Variants in ODAD3 observed in about 807,000 individuals in gnomAD.
The protein encoded by ODAD3 is outer dynein arm docking complex subunit 3.
In ODAD3, 57 loss-of-function variants were observed where a neutral mutation model predicts 70.9. The ratio of observed to expected loss-of-function variants is 0.80; its 90% CI spans 0.65 to 1.00. The LOEUF is 1.00. Ranked by LOEUF, ODAD3 falls within the 50% of genes least tolerant of loss-of-function variation. The pLI, the probability that ODAD3 is intolerant of heterozygous loss-of-function variation, is 0.00. For synonymous variants in ODAD3, 327 were observed against 315.9 expected, an observed-to-expected ratio of 1.04 and a Z score of -0.37; for missense variants, 797 against 763.9, an observed-to-expected ratio of 1.04 and a Z score of -0.51.
chr19:11,422,888 G>A lies in ODAD3; in HGVS notation c.1117-27C>T, dbSNP rs1402131142. On this transcript the variant is annotated intron_variant, in intron 8 of 12. Transcript: ENST00000356392. The surrounding 1 kb of genome is among the most constrained non-coding windows in gnomAD (Gnocchi z 4.6). ...TGCGGGCCACCCAGCCCCAGTCAGA[G>A]CCAGGGCCTAGGGAGCGTAGGGGCG... 1.9e-6 allele frequency: 3 copies of A among 1,597,120 alleles called. No homozygotes were observed. The highest frequency in any genetic ancestry group is 2.2e-5 in the South Asian group (2 of 90,786).
Position 11,422,099 on chromosome 19 carries a change from C to G in ODAD3, c.1435-267G>C, listed in dbSNP as rs1335089758. ...AGGGAGGCCATTGTGGGATGGCCTC[C>G]TGAAGAAATGGCCCTCTGCTGCGGG... On this transcript the variant is annotated intron_variant, in intron 10 of 12. Coordinates refer to ENST00000356392, the MANE Select transcript of ODAD3 (RefSeq NM_145045.5). This position sits in a 1 kb window ranked among gnomAD's most constrained non-coding sequence, Gnocchi z 4.6. Among the ~76,000 whole-genome samples, 1 of 152,174 alleles carries G rather than the reference C, an allele frequency of 6.6e-6. No homozygotes were observed. The highest frequency in any genetic ancestry group is 1.5e-5 in the Non-Finnish European group (1 of 68,022).
In ODAD3 at chr19:11,425,072, TATATGTGTATATGTAC is replaced by T. The variant is rs1207964542; in HGVS notation, c.963+1056_964-1044del. ...ATATATGTGTATATGTGTATATATG[TATATGTGTATATGTAC>T]ATATGTGTATATATGTATATATGTG... On this transcript the variant is annotated intron_variant, in intron 7 of 12. Transcript: ENST00000356392. Among the ~76,000 whole-genome samples, 7 of 108,416 alleles carry T rather than the reference TATATGTGTATATGTAC, an allele frequency of 6.5e-5. 1 individual carries two copies. Among genetic ancestry groups the T allele is most frequent in the South Asian group, 2.7e-4 (1 of 3,698 alleles). 71.1% of individuals were successfully genotyped at this position (108,416 alleles called of 152,430 possible).
rs759411498 is a variant in ODAD3, at chr19:11,434,945, A to G, written c.72T>C (p.Ser24=). ...AAGCCTCCCTGCCCTTGACCCTGGA[A>G]GAGGGCGTCGAAGCCTGGTCCTGAG... The part of the protein sequence containing the change: ...LPPQDQASTP[S]SRVKGREASG... Residue 24 remains serine (S), a synonymous_variant, in exon 1 of 13, where the codon TCT becomes TCC. Transcript: ENST00000356392. 8.7e-6 allele frequency: 14 copies of G among 1,613,932 alleles called. No individual in the cohort carries two copies. The highest frequency in any genetic ancestry group is 1.2e-5 in the Non-Finnish European group (14 of 1,180,024).
rs1167411713 is a variant in ODAD3, at chr19:11,425,215, G to GTA, written c.963+927_963+928dup. 1.4e-4 allele frequency among the ~76,000 whole-genome samples: 18 copies of GTA among 125,836 alleles called. 1 individual carries two copies. The South Asian group carries it at 4.1e-3, about 29-fold the overall frequency. The allele number at this position is 125,836 out of a possible 152,430, so 82.6% of individuals were successfully genotyped here. A position where few individuals can be genotyped will look rare whatever the true frequency, so the allele number is the denominator to read the frequency against. On this transcript the variant is annotated intron_variant, in intron 7 of 12. Coordinates refer to ENST00000356392, the MANE Select transcript of ODAD3 (RefSeq NM_145045.5). ...TACATATGTGTATGTGTACATATGT[G>GTA]TATATATGTGTGTATATGTACATAT...
At chr19:11,434,236 A>G (rs1348997806) in intron 1 of ODAD3, among the ~76,000 whole-genome samples, 1 of 151,480 alleles carries the variant, frequency 6.6e-6, no homozygotes, top group Non-Finnish European at 1.5e-5. Context: ...CAAAACAAAA[A>G]AAAACGCGGG....
At chr19:11,424,217 C>A (rs1428737685) in intron 7 of ODAD3, among the ~76,000 whole-genome samples, 188 bp from the exon 8 acceptor site, 1 of 152,006 alleles carries the variant, frequency 6.6e-6, no homozygotes, top group Non-Finnish European at 1.5e-5. Flanking sequence ...CAAGGTCGGG[C>A]GCGGGGGCGG....
rs1969302758 is a variant in ODAD3, at chr19:11,425,309, GTA to G, written c.963+833_963+834del. 2.3e-5 allele frequency among the ~76,000 whole-genome samples: 3 copies of G among 128,574 alleles called. 1 individual carries two copies. The highest frequency in any genetic ancestry group is 1.1e-4 in the African/African-American group (3 of 28,174). The allele number at this position is 128,574 out of a possible 152,430, so 84.3% of individuals were successfully genotyped here. On this transcript the variant is annotated intron_variant, in intron 7 of 12. Coordinates refer to ENST00000356392, the MANE Select transcript of ODAD3 (RefSeq NM_145045.5). Reference sequence around the variant, plus strand: ...TACATATGTGTATATATGTGTATGTGTACATATGTGTATATGTACATATGTGT... The same window carrying G: ...TACATATGTGTATATATGTGTATGTGCATATGTGTATATGTACATATGTGT...
chr19:11,425,151 GTA>G (rs1225675839), intron 7 of ODAD3, among the ~76,000 whole-genome samples: 8 of 125,974 alleles, frequency 6.4e-5, no homozygotes, highest in South Asian at 2.4e-4. Context: ...ATGTACATAT[GTA>G]TATATACATA....
rs1429012131 is a variant in ODAD3 at position 11,430,989 on chromosome 19, A to G, written c.276T>C (p.Ser92=). ...EGDRKAFFES[S]QWNIKKNQET... Reference sequence around the variant, plus strand: ...CCTGGTTCTTCTTGATGTTCCACTGAGAGCTCTCAAAAAAAGCCTTCCGGT... The same window carrying G: ...CCTGGTTCTTCTTGATGTTCCACTGGGAGCTCTCAAAAAAAGCCTTCCGGT... The change falls in exon 2 of 13, where the codon TCT becomes TCC. Residue 92 remains serine, a synonymous_variant. Coordinates refer to ENST00000356392, the MANE Select transcript of ODAD3 (RefSeq NM_145045.5). The G allele has an allele frequency of 1.9e-6, 3 of 1,613,932 alleles. No homozygotes were observed. In the African/African-American group the frequency reaches 4.0e-5, roughly 22 times the overall value.
At chr19:11,430,293 A>G (rs1327269360) in intron 3 of ODAD3, among the ~76,000 whole-genome samples, 1 of 151,992 alleles carries the variant, frequency 6.6e-6, no homozygotes, top group Non-Finnish European at 1.5e-5. Context: ...ACGTGCCATC[A>G]TGCCCAGCTA....
At chr19:11,424,990 CATATGTGT>C (rs1426237518) in intron 7 of ODAD3, among the ~76,000 whole-genome samples, 2 of 98,080 alleles carry the variant, frequency 2.0e-5, no homozygotes, top group African/African-American at 5.0e-5. Context: ...TGTATATGTA[CATATGTGT>C]ATATGTATAT....
chr19:11,428,188 G>T (rs946195287), intron 3 of ODAD3, among the ~76,000 whole-genome samples: 1 of 151,956 alleles, frequency 6.6e-6, no homozygotes. Context: ...CTCCTTCCTC[G>T]GCCTCCCAAA....
intron 7 of ODAD3, among the ~76,000 whole-genome samples, chr19:11,425,227 GTA>G (rs1205937096): frequency 5.9e-5 from 8 of 135,122 alleles, no homozygotes; most frequent in African/African-American, 1.9e-4. Flanking sequence ...ATATATGTGT[GTA>G]TATGTACATA....
intron 1 of ODAD3, 57 bp downstream of exon 1, chr19:11,434,716 A>G (rs1969614656): frequency 6.5e-7 from 1 of 1,542,492 alleles, no homozygotes; most frequent in African/African-American, 1.4e-5. Flanking sequence ...TCACACCATG[A>G]AGATTGGATG....
chr19:11,424,088 G>A (rs1969206289), intron 7 of ODAD3, 59 bp from the exon 8 acceptor site: 1 of 1,566,962 alleles, frequency 6.4e-7, no homozygotes, highest in Non-Finnish European at 8.7e-7. Flanking sequence ...TGGGAAGGAG[G>A]CCGGGGAGGG....
chr19:11,421,640 T>TA, intron 11 of ODAD3, 37 bp downstream of exon 11: 1 of 1,594,296 alleles, frequency 6.3e-7, no homozygotes, highest in Middle Eastern at 1.7e-4. Flanking sequence ...GCCCTACTCC[T>TA]AGATCTCTGG....
intron 3 of ODAD3, among the ~76,000 whole-genome samples, chr19:11,428,258 T>C (rs1969428713): frequency 6.6e-6 from 1 of 152,064 alleles, no homozygotes; most frequent in South Asian, 2.1e-4. Context: ...GTTTTGTTTT[T>C]TGAGATGGGG....
rs1429969024 is a variant in ODAD3 at position 11,427,029 on chromosome 19, G to C, written c.456C>G (p.His152Gln). 1.3e-6 allele frequency: 2 copies of C among 1,588,548 alleles called. No individual in the cohort carries two copies. Among genetic ancestry groups the C allele is most frequent in the Admixed American group, 3.4e-5 (2 of 58,128 alleles). Reference sequence around the variant, plus strand: ...CCTTCTCCCTCAGCCGGTGGTCTAGGTGCTCCAGGGCCTGCCGCAAGGAGG... The same window carrying C: ...CCTTCTCCCTCAGCCGGTGGTCTAGCTGCTCCAGGGCCTGCCGCAAGGAGG... Reference protein sequence around the residue: ...LKNRTGQALEHLDHRLREKVK... With the variant: ...LKNRTGQALEQLDHRLREKVK... Residue 152 changes from histidine (H) to glutamine (Q), a missense_variant, in exon 4 of 13, where the codon CAC becomes CAG. Physicochemically the swap from His to Gln is conservative, Grantham distance 24. Transcript: ENST00000356392.
chr19:11,434,888 G>A lies in ODAD3; in HGVS notation c.129C>T (p.Gly43=). The change falls in exon 1 of 13, where the codon GGC becomes GGT. Residue 43 remains glycine, a synonymous_variant. Transcript: ENST00000356392. ...GGCCTGGGGTCCACGCCTGGGCTGT[G>A]CCCTTGCCTCGGAGGTGGCTGGGTT... is the stretch of plus-strand genomic sequence containing the variant. The part of the protein sequence containing the change: ...SGKPSHLRGK[G]TAQAWTPGRS... 4 of 1,614,190 alleles carry A rather than the reference G, an allele frequency of 2.5e-6. No homozygotes were observed. The highest frequency in any genetic ancestry group is 3.4e-6 in the Non-Finnish European group (4 of 1,180,048).
Sources: gnomAD v4.1 joint callset for allele counts (sites outside exome capture counted in the v4.1 genomes callset) on GRCh38, gnomAD v4.1.1 for gene constraint, Gnocchi (gnomAD v3.1) non-coding constraint, MANE v1.5 for transcripts, NCBI Gene and HGNC (gene_info 2026-07-23, HGNC 2026-07-21) for gene names.